Variants in LYSMD4 observed in about 807,000 individuals in gnomAD.
LYSMD4 encodes the protein lysM and putative peptidoglycan-binding domain-containing protein 4.
In LYSMD4, 9 loss-of-function variants were observed where a neutral mutation model predicts 6.1. The ratio of observed to expected loss-of-function variants is 1.47; its 90% confidence interval spans 0.88 to 2.56. The LOEUF is 2.56. Among genes scored for constraint, LYSMD4 ranks in the 30% most tolerant of loss-of-function variants. The pLI, the probability that LYSMD4 is intolerant of heterozygous loss-of-function variation, is 0.00. For synonymous variants in LYSMD4, 143 were observed against 148.5 expected (o/e 0.96, Z 0.27); for missense variants, 384 against 373.5 (o/e 1.03, Z -0.23).
chr15:99,717,413 T>TC (rs1283617221), exon 1 of LYSMD4: 1 of 152,190 alleles, frequency 6.6e-6, no homozygotes, highest in Non-Finnish European at 1.5e-5. Context: ...GCTCGGTCGG[T>TC]CGTCCGGTGC....
At chr15:99,717,604 G>A (rs2059197756) in exon 1 of LYSMD4, 1 of 101,134 alleles carries the variant, frequency 9.9e-6, no homozygotes. Flanking sequence ...GCTGTTGCAG[G>A]CTTTGGGCTG....
chr15:99,719,040 C>T (rs2059218136), upstream of LYSMD4, among the ~76,000 whole-genome samples: 1 of 152,218 alleles, frequency 6.6e-6, no homozygotes, highest in Non-Finnish European at 1.5e-5. Flanking sequence ...GTGGGGAACC[C>T]AGCTCTTATT....
rs756623429 is a variant in LYSMD4 at position 99,729,581 on chromosome 15, CTG to C, written c.431_432del (p.Thr144SerfsTer27). ...KPLLSPSSET[T>X]VTVELPEADR... is the part of the protein sequence containing the mutation. ...TCTGCCTCTGGCAGTTCCACGGTCA[CTG>C]TGGTCTCGGAAGACGGGCTCAGAAG... On this transcript the variant is annotated frameshift_variant, in exon 3 of 3. Transcript: ENST00000684762. LOFTEE classifies it low-confidence loss of function (END_TRUNC). 1 of 1,614,184 alleles carries C rather than the reference CTG, an allele frequency of 6.2e-7. No homozygotes were observed. The highest frequency in any genetic ancestry group is 8.5e-7 in the Non-Finnish European group (1 of 1,180,044).
intron 2 of LYSMD4, 124 bp downstream of exon 2, chr15:99,731,594 G>A: frequency 6.6e-7 from 1 of 1,523,678 alleles, no homozygotes; most frequent in Non-Finnish European, 8.8e-7. Context: ...GTCCTTGGCT[G>A]CTACAGCAGG....
chr15:99,724,346 C>T (rs1343419453), downstream of LYSMD4, among the ~76,000 whole-genome samples: 1 of 152,186 alleles, frequency 6.6e-6, no homozygotes, highest in Non-Finnish European at 1.5e-5. Flanking sequence ...CTGTAACCTC[C>T]ACCTCCCAGG....
chr15:99,715,769 A>G (rs2059090761), exon 1 of LYSMD4: 1 of 152,252 alleles, frequency 6.6e-6, no homozygotes, highest in South Asian at 2.1e-4. Flanking sequence ...TGGTTAAAGT[A>G]CAGTTTCCAA....
chr15:99,729,179 G>A lies in LYSMD4; in HGVS notation c.835C>T (p.Pro279Ser). 1 of 1,614,210 alleles carries A rather than the reference G, an allele frequency of 6.2e-7. No homozygotes were observed. The highest frequency in any genetic ancestry group is 8.5e-7 in the Non-Finnish European group (1 of 1,180,034). The change falls in exon 3 of 3, where the codon CCA (proline) becomes TCA (serine). Residue 279 changes from proline to serine, a missense_variant. Pro to Ser is a moderately conservative substitution (Grantham distance 74). Coordinates refer to ENST00000684762, the MANE Select transcript of LYSMD4 (RefSeq NM_001284417.2). ...GQAPRLAVAV[P>S]AVTSADSQFS... ...TGGCTGTCTGCAGAAGTGACGGCTGGCACTGCAACTGCTAGTCTGGGGGCT... is the reference window on the plus strand; with the variant it reads ...TGGCTGTCTGCAGAAGTGACGGCTGACACTGCAACTGCTAGTCTGGGGGCT...
upstream of LYSMD4, among the ~76,000 whole-genome samples, chr15:99,718,233 T>A (rs895138327): frequency 6.6e-5 from 10 of 152,316 alleles, no homozygotes; most frequent in African/African-American, 2.4e-4. Context: ...AATGTGATGA[T>A]TGGAAGGAAG....
upstream of LYSMD4, among the ~76,000 whole-genome samples, chr15:99,718,474 T>C (rs533053646): frequency 2.0e-5 from 3 of 152,374 alleles, no homozygotes; most frequent in South Asian, 6.2e-4. Flanking sequence ...GCAGCGTCTA[T>C]AGCTGTGGTA....
intron 1 of LYSMD4, 27 bp from the exon 2 acceptor site, chr15:99,732,034 C>A: frequency 6.6e-7 from 1 of 1,525,302 alleles, no homozygotes. Flanking sequence ...AGGGTTAATT[C>A]CACAGAAGAC....
At chr15:99,731,044 AT>A in intron 2 of LYSMD4, 1 of 815,180 alleles carries the variant, frequency 1.2e-6, no homozygotes, top group Non-Finnish European at 2.0e-6. Flanking sequence ...GGAGAAAGAG[AT>A]TTCTTAAATT....
At chr15:99,723,626 T>C (rs1034097471), downstream of LYSMD4, among the ~76,000 whole-genome samples, 2 of 152,304 alleles carry the variant, frequency 1.3e-5, no homozygotes, top group East Asian at 3.9e-4. Context: ...CACTGGTGCA[T>C]CCCTATGGCC....
At chr15:99,724,749 A>G (rs934325314), downstream of LYSMD4, among the ~76,000 whole-genome samples, 1 of 152,138 alleles carries the variant, frequency 6.6e-6, no homozygotes, top group Non-Finnish European at 1.5e-5. Flanking sequence ...GTGTTTTCCA[A>G]AGGTGTGAGA....
At chr15:99,716,922 CA>C in exon 1 of LYSMD4, 1 of 337,206 alleles carries the variant, frequency 3.0e-6, no homozygotes, top group Non-Finnish European at 5.9e-6. Flanking sequence ...TAGTTTTGCC[CA>C]AAATACATAC....
At chr15:99,733,064 A>G (rs575840636) in intron 1 of LYSMD4, 15 of 332,790 alleles carry the variant, frequency 4.5e-5, no homozygotes, top group Non-Finnish European at 8.2e-5. Flanking sequence ...AAGAGCTGAC[A>G]GGAAAATGGG....
chr15:99,732,626 G>A (rs926126171), intron 1 of LYSMD4, among the ~76,000 whole-genome samples: 16 of 152,002 alleles, frequency 1.1e-4, no homozygotes, highest in African/African-American at 4.8e-5. Flanking sequence ...CATCCCCATT[G>A]TCTGGTTTTT....
chr15:99,720,757 G>C (rs957970332), upstream of LYSMD4: 3 of 152,134 alleles, frequency 2.0e-5, no homozygotes, highest in African/African-American at 7.2e-5. Context: ...TGAGAAAATA[G>C]ATGGAATCTG....
intron 2 of LYSMD4, chr15:99,731,192 C>G: frequency 6.2e-7 from 1 of 1,612,824 alleles, no homozygotes; most frequent in Non-Finnish European, 8.5e-7. Context: ...GTTAATCACT[C>G]TGAATGCTGA....
At chr15:99,718,714 T>C (rs1368709817), upstream of LYSMD4, among the ~76,000 whole-genome samples, 2 of 152,160 alleles carry the variant, frequency 1.3e-5, no homozygotes, top group Non-Finnish European at 2.9e-5. Flanking sequence ...TAGCATGTCC[T>C]TTCTGGCACC....
Sources: allele counts gnomAD v4.1 joint callset (sites outside exome capture counted in the v4.1 genomes callset), GRCh38; gene constraint gnomAD v4.1.1; transcripts MANE v1.5; gene names NCBI Gene and HGNC (gene_info 2026-07-23, HGNC 2026-07-21).